CD84: variants seen among roughly 807,000 people sequenced by gnomAD.
The protein encoded by CD84 is SLAM family member 5.
Under a neutral mutation model 33.8 loss-of-function variants are expected in CD84, and 22 were observed. That is an observed-to-expected ratio of 0.65 (90% confidence interval 0.46 to 0.93). The LOEUF (loss-of-function observed/expected upper bound fraction) is 0.93, where lower values mean the gene tolerates loss of function less well. Ranked by LOEUF, CD84 falls within the 40% of genes least tolerant of loss-of-function variation. The pLI, the probability that CD84 is intolerant of heterozygous loss-of-function variation, is 0.00. For synonymous variants in CD84, 154 were observed against 145.2 expected (o/e 1.06, Z -0.44); for missense variants, 400 against 397.6 (o/e 1.01, Z -0.05).
chr1:160,569,551 C>T (rs1657561023), intron 1 of CD84, among the ~76,000 whole-genome samples: 1 of 150,890 alleles, frequency 6.6e-6, no homozygotes, highest in African/African-American at 2.5e-5. Context: ...CGCACGCACG[C>T]ACGCACGCAC....
rs141399946 is a variant in CD84 at position 160,554,034 on chromosome 1, A to G, written c.501T>C (p.Asn167=). ...TACCCTCTTCTCCCAGGGGACTCCA[A>G]TTGTATGTCACATTCTTTTCTTCTT... The part of the protein sequence containing the change: ...VEKEEKNVTY[N]WSPLGEEGNV... Residue 167 remains asparagine (N), a synonymous_variant, in exon 3 of 7, where the codon AAT becomes AAC. Transcript: ENST00000368054. 31 of 1,614,090 alleles carry G rather than the reference A, an allele frequency of 1.9e-5. No homozygotes were observed. The highest frequency in any genetic ancestry group is 3.3e-5 in the Admixed American group (2 of 60,000).
intron 1 of CD84, 103 bp from the exon 2 acceptor site, chr1:160,565,848 G>T (rs1657292740): frequency 6.6e-6 from 6 of 908,386 alleles, no homozygotes; most frequent in Admixed American, 3.3e-5. Flanking sequence ...CACAAATGCA[G>T]TTCACCCAGT....
chr1:160,560,674 A>G (rs1267210415), intron 2 of CD84, among the ~76,000 whole-genome samples: 1 of 152,202 alleles, frequency 6.6e-6, no homozygotes, highest in East Asian at 1.9e-4. Flanking sequence ...CAGAGACACA[A>G]AAAACCATTC....
intron 1 of CD84, among the ~76,000 whole-genome samples, chr1:160,576,788 G>T (rs1251678192): frequency 4.6e-5 from 7 of 152,210 alleles, no homozygotes; most frequent in Non-Finnish European, 1.0e-4. Context: ...ATAGTGTATT[G>T]TAAGGATTAA....
chr1:160,565,981 T>G, intron 1 of CD84, among the ~76,000 whole-genome samples: 1 of 152,312 alleles, frequency 6.6e-6, no homozygotes, highest in East Asian at 1.9e-4. Context: ...AGATCCATTT[T>G]GTTAAAAATA....
intron 1 of CD84, among the ~76,000 whole-genome samples, chr1:160,572,228 C>A (rs767222332): frequency 1.3e-5 from 2 of 151,928 alleles, no homozygotes; most frequent in Non-Finnish European, 2.9e-5. Flanking sequence ...ATAGAAGGTG[C>A]TTAATACACA....
chr1:160,576,421 G>A (rs1338627621), intron 1 of CD84, among the ~76,000 whole-genome samples: 1 of 152,088 alleles, frequency 6.6e-6, no homozygotes, highest in Non-Finnish European at 1.5e-5. Flanking sequence ...TGTTTGCTTG[G>A]GTATTCTGCC....
chr1:160,562,702 A>G (rs755542331), intron 2 of CD84, among the ~76,000 whole-genome samples: 1 of 152,232 alleles, frequency 6.6e-6, no homozygotes, highest in Non-Finnish European at 1.5e-5. Flanking sequence ...AATTGCAACA[A>G]AAGCAAAAAT....
chr1:160,577,187 G>A (rs966929520), intron 1 of CD84, among the ~76,000 whole-genome samples: 2 of 152,156 alleles, frequency 1.3e-5, no homozygotes, highest in Admixed American at 6.5e-5. Context: ...CTTTCCTTAT[G>A]TCGGTGATTT....
At position 160,553,462 on chromosome 1, in the gene CD84, A is replaced by T. The variant is rs1039371149; in HGVS notation, c.676T>A (p.Leu226Met). ...AAGAACATAGCCAGCACGCTCAGCA[A>T]CCCGGTGTGGTGAGTACGGAAGCCC... ...AMGFRTHHTG[L>M]LSVLAMFFLL... The change falls in exon 4 of 7, where the codon TTG becomes ATG. Residue 226 changes from leucine (L) to methionine (M), a missense_variant. By Grantham distance (15) the Leu-to-Met change is conservative. Coordinates refer to ENST00000368054, the MANE Select transcript of CD84 (RefSeq NM_003874.4). 1 of 1,614,084 alleles carries T rather than the reference A, an allele frequency of 6.2e-7. No individual in the cohort carries two copies. Among genetic ancestry groups the T allele is most frequent in the Non-Finnish European group, 8.5e-7 (1 of 1,179,968 alleles).
At chr1:160,553,327 C>T in intron 4 of CD84, 51 bp downstream of exon 4, 1 of 1,613,878 alleles carries the variant, frequency 6.2e-7, no homozygotes, top group Non-Finnish European at 8.5e-7. Flanking sequence ...GCTTCAGTCC[C>T]AGGAGGAGAG....
chr1:160,564,476 C>T (rs1341283778), intron 2 of CD84, among the ~76,000 whole-genome samples: 1 of 152,188 alleles, frequency 6.6e-6, no homozygotes, highest in East Asian at 1.9e-4. Flanking sequence ...TTCACAGCAG[C>T]TTTATTTGTA....
chr1:160,567,689 A>C (rs1023088691), intron 1 of CD84, among the ~76,000 whole-genome samples: 2 of 152,218 alleles, frequency 1.3e-5, no homozygotes, highest in Non-Finnish European at 2.9e-5. Flanking sequence ...TAAAAGCAAT[A>C]GAAATAAGCC....
chr1:160,553,763 G>C, intron 3 of CD84, 132 bp downstream of exon 3: 1 of 1,403,588 alleles, frequency 7.1e-7, no homozygotes, highest in Non-Finnish European at 9.7e-7. Context: ...TTCTTGGGAG[G>C]TGATGCCCTC....
chr1:160,565,293 T>C, intron 2 of CD84, 111 bp downstream of exon 2: 2 of 727,438 alleles, frequency 2.7e-6, no homozygotes, highest in Non-Finnish European at 2.3e-6. Context: ...TAAGTATTTA[T>C]AGATATAAAA....
chr1:160,563,203 C>T (rs2102173370), intron 2 of CD84, among the ~76,000 whole-genome samples: 1 of 152,236 alleles, frequency 6.6e-6, no homozygotes, highest in Non-Finnish European at 1.5e-5. Flanking sequence ...CCTCAGAAAC[C>T]TAGAGGCAGA....
chr1:160,554,887 C>T (rs1656500238), intron 2 of CD84, among the ~76,000 whole-genome samples: 1 of 140,598 alleles, frequency 7.1e-6, no homozygotes, highest in African/African-American at 3.3e-5. Flanking sequence ...AGTGCCCTCT[C>T]AGCAAAATAA....
At position 160,548,229 on chromosome 1, in the gene CD84, T is replaced by A. The variant is rs1476441159; in HGVS notation, c.*27A>T. On this transcript the variant is annotated 3_prime_UTR_variant, in exon 7 of 7. Transcript: ENST00000368054. Reference sequence around the variant, plus strand: ...CAGTATTGGTGGTTGTAACTCAGTTTCCAGAGGGAGAATTCAGCCCAGCAG... The same window carrying A: ...CAGTATTGGTGGTTGTAACTCAGTTACCAGAGGGAGAATTCAGCCCAGCAG... 2 of 1,613,358 alleles carry A rather than the reference T, an allele frequency of 1.2e-6. No individual in the cohort carries two copies. Among genetic ancestry groups the A allele is most frequent in the East Asian group, 2.2e-5 (1 of 44,886 alleles).
intron 1 of CD84, among the ~76,000 whole-genome samples, chr1:160,574,646 TG>T (rs1434615869): frequency 6.6e-6 from 1 of 152,136 alleles, no homozygotes; most frequent in East Asian, 1.9e-4. Context: ...TATGTCACCA[TG>T]GGTTAGTCAC....
Sources: gnomAD v4.1 joint callset for allele counts (sites outside exome capture counted in the v4.1 genomes callset) on GRCh38, gnomAD v4.1.1 for gene constraint, MANE v1.5 for transcripts, NCBI Gene and HGNC (gene_info 2026-07-23, HGNC 2026-07-21) for gene names.